The following GALNT10 variants were observed in gnomAD, a reference collection of about 807,000 sequenced individuals.
GALNT10 encodes GalNAc transferase 10.
In GALNT10, 41 loss-of-function variants were observed where a neutral mutation model predicts 75.0. That is an observed-to-expected ratio of 0.55 (90% CI 0.43 to 0.71). The LOEUF (loss-of-function observed/expected upper bound fraction) is 0.71. Among genes scored for constraint, GALNT10 ranks in the 30% least tolerant of loss-of-function variants. GALNT10 has a pLI of 0.00. For synonymous variants in GALNT10, 302 were observed against 313.0 expected (o/e 0.96, Z 0.37); for missense variants, 727 against 818.5 (o/e 0.89, Z 1.36).
At chr5:154,222,588 A>G (rs1278034962) in intron 1 of GALNT10, among the ~76,000 whole-genome samples, 2 of 152,212 alleles carry the variant, frequency 1.3e-5, no homozygotes, top group Non-Finnish European at 2.9e-5. Context: ...CCATCAGTGT[A>G]TAAGAGTCTG....
chr5:154,204,316 G>A (rs905134894), intron 1 of GALNT10, among the ~76,000 whole-genome samples: 20 of 152,048 alleles, frequency 1.3e-4, no homozygotes, highest in South Asian at 4.1e-4. Context: ...TTTTCTTCCC[G>A]CTTCCCACCA....
intron 1 of GALNT10, among the ~76,000 whole-genome samples, chr5:154,206,414 A>G (rs1020189073): frequency 6.6e-6 from 1 of 152,236 alleles, no homozygotes; most frequent in African/African-American, 2.4e-5. Context: ...GATACAAAAA[A>G]CAGCCGCTGC....
At chr5:154,329,141 G>A (rs748522067) in intron 3 of GALNT10, among the ~76,000 whole-genome samples, 1 of 152,132 alleles carries the variant, frequency 6.6e-6, no homozygotes, top group Non-Finnish European at 1.5e-5. Flanking sequence ...TGGGGTCAAA[G>A]ACGAAATATT....
At chr5:154,319,534 C>G (rs980016715) in intron 3 of GALNT10, among the ~76,000 whole-genome samples, 23 of 152,346 alleles carry the variant, frequency 1.5e-4, no homozygotes, top group Non-Finnish European at 3.1e-4. Context: ...GGTTAACACT[C>G]TCTGCTTCAT....
At chr5:154,392,642 A>G in intron 7 of GALNT10, 1 of 152,486 alleles carries the variant, frequency 6.6e-6, no homozygotes, top group Non-Finnish European at 1.5e-5. Flanking sequence ...TGTTTGGATT[A>G]GGGGGGGAGG....
In GALNT10 at chr5:154,417,206, G is replaced by T. The variant is rs930489143; in HGVS notation, c.*234G>T. 3.6e-5 allele frequency: 19 copies of T among 526,262 alleles called. No individual in the cohort carries two copies. Among genetic ancestry groups the T allele is most frequent in the Middle Eastern group, 1.0e-3 (2 of 1,972 alleles). 32.6% of individuals were successfully genotyped at this position (526,262 alleles called of 1,614,324 possible). On this transcript the variant is annotated 3_prime_UTR_variant, in exon 12 of 12. Transcript: ENST00000297107. ...AGAGGCCCCACAGGGAGCAGAGACT[G>T]CTTTAATCCCTGCTGACATCACGGA...
At chr5:154,251,115 G>T (rs950237752) in intron 1 of GALNT10, among the ~76,000 whole-genome samples, 1 of 152,018 alleles carries the variant, frequency 6.6e-6, no homozygotes, top group Non-Finnish European at 1.5e-5. Context: ...ATTGTTATAA[G>T]GTGAACCCCT....
chr5:154,369,363 G>C (rs1052763832), intron 4 of GALNT10, among the ~76,000 whole-genome samples: 1 of 152,104 alleles, frequency 6.6e-6, no homozygotes, highest in African/African-American at 2.4e-5. Flanking sequence ...ACTCCAGCCT[G>C]GGTGACAAAG....
intron 4 of GALNT10, among the ~76,000 whole-genome samples, chr5:154,346,741 A>G (rs1755129113): frequency 6.6e-6 from 1 of 152,130 alleles, no homozygotes; most frequent in Admixed American, 6.5e-5. Flanking sequence ...AAGAAGCTAA[A>G]TGGAAGATTT....
rs1289183862 is a variant in GALNT10, at chr5:154,352,842, C to T, written c.568+23104C>T. 6.6e-6 allele frequency among the ~76,000 whole-genome samples: 1 copy of T among 152,186 alleles called. No homozygotes were observed. The highest frequency in any genetic ancestry group is 1.5e-5 in the Non-Finnish European group (1 of 68,036). ...ACCACCCCGCGGTCTTGCATCGGGACATGGCTATGGCAGGGAAGAAATTTT... is the reference window on the plus strand; with the variant it reads ...ACCACCCCGCGGTCTTGCATCGGGATATGGCTATGGCAGGGAAGAAATTTT... On this transcript the variant is annotated intron_variant, in intron 4 of 11. Transcript: ENST00000297107. The surrounding 1 kb of genome is among the most constrained non-coding windows in gnomAD (Gnocchi z 4.4).
intron 1 of GALNT10, among the ~76,000 whole-genome samples, chr5:154,252,017 G>A (rs114695853): frequency 0.013 from 1,901 of 151,946 alleles, 39 homozygotes; most frequent in East Asian, 0.089. Flanking sequence ...TTTCTTTATA[G>A]CAAGAGCCCT....
chr5:154,385,871 T>C (rs6870010), intron 6 of GALNT10, among the ~76,000 whole-genome samples: 33,538 of 152,172 alleles, frequency 0.22, 3,919 homozygotes, highest in Middle Eastern at 0.28. Flanking sequence ...CCCGCAAGGA[T>C]TGTTTCAGCA....
intron 3 of GALNT10, among the ~76,000 whole-genome samples, chr5:154,309,554 G>T (rs563339444): frequency 6.6e-6 from 1 of 152,320 alleles, no homozygotes; most frequent in South Asian, 2.1e-4. Context: ...CACAGTAGGA[G>T]TAGTGGAGTA....
intron 1 of GALNT10, among the ~76,000 whole-genome samples, chr5:154,204,922 G>A (rs979225853): frequency 2.0e-5 from 3 of 152,292 alleles, no homozygotes; most frequent in African/African-American, 4.8e-5. Flanking sequence ...ATTTACTGCT[G>A]TACCTTATAG....
At chr5:154,224,312 A>G (rs1048814876) in intron 1 of GALNT10, among the ~76,000 whole-genome samples, 2 of 152,258 alleles carry the variant, frequency 1.3e-5, no homozygotes, top group Admixed American at 6.5e-5. Context: ...GGATAAATAC[A>G]TAATCCAAAA....
At chr5:154,301,985 T>G (rs534557371) in intron 3 of GALNT10, among the ~76,000 whole-genome samples, 1 of 152,302 alleles carries the variant, frequency 6.6e-6, no homozygotes, top group Admixed American at 6.5e-5. Flanking sequence ...CACCCCCCTT[T>G]TTTGGAGTCA....
intron 3 of GALNT10, among the ~76,000 whole-genome samples, chr5:154,301,576 T>C (rs1267653530): frequency 6.6e-6 from 1 of 150,808 alleles, no homozygotes; most frequent in Non-Finnish European, 1.5e-5. Flanking sequence ...TTTTTTTTTT[T>C]TGAGACAGGG....
At chr5:154,196,808 A>G (rs1774953135) in intron 1 of GALNT10, among the ~76,000 whole-genome samples, 1 of 152,198 alleles carries the variant, frequency 6.6e-6, no homozygotes, top group African/African-American at 2.4e-5. Flanking sequence ...AACGTACCCT[A>G]GAGCTAGGAG....
chr5:154,419,305 G>A lies in GALNT10; in HGVS notation c.*2333G>A, dbSNP rs1051394869. ...GGCCTAGAAGACCTCATCAGCCCCC[G>A]AGAGGAGGCCTTGCATTACCTCACT... is the stretch of plus-strand genomic sequence containing the variant. On this transcript the variant is annotated 3_prime_UTR_variant, in exon 12 of 12. Coordinates refer to ENST00000297107, the MANE Select transcript of GALNT10 (RefSeq NM_198321.4). 5 of 152,232 alleles carry A rather than the reference G, an allele frequency of 3.3e-5. No individual in the cohort carries two copies. The highest frequency in any genetic ancestry group is 3.9e-4 in the East Asian group (2 of 5,170). 9.4% of individuals were successfully genotyped at this position (152,232 alleles called of 1,614,324 possible).
Sources: gnomAD v4.1 joint callset for allele counts (sites outside exome capture counted in the v4.1 genomes callset) on GRCh38, gnomAD v4.1.1 for gene constraint, Gnocchi (gnomAD v3.1) non-coding constraint, MANE v1.5 for transcripts, NCBI Gene and HGNC (gene_info 2026-07-23, HGNC 2026-07-21) for gene names.